The following KRR1 variants were observed in gnomAD, a reference collection of about 807,000 sequenced individuals.
KRR1 encodes KRR1 small subunit processome component homolog.
KRR1 carries 23 observed loss-of-function variants against 50.0 expected under a neutral mutation model. The observed-to-expected ratio is 0.46, with a 90% CI of 0.33 to 0.65. The LOEUF is 0.65. Ranked by LOEUF, KRR1 falls within the 30% of genes least tolerant of loss-of-function variation. The pLI is 0.02. For missense variants in KRR1, 419 were observed against 442.4 expected, an observed-to-expected ratio of 0.95 and a Z score of 0.47; for synonymous variants, 133 against 146.3, an observed-to-expected ratio of 0.91 and a Z score of 0.66.
chr12:75,507,809 G>A (rs532098084), intron 2 of KRR1, among the ~76,000 whole-genome samples: 1 of 152,084 alleles, frequency 6.6e-6, no homozygotes, highest in South Asian at 2.1e-4. Flanking sequence ...TACACTAATG[G>A]GTTTCAATCC....
intron 6 of KRR1, 144 bp downstream of exon 6, chr12:75,505,052 GAA>G: frequency 1.3e-6 from 1 of 757,078 alleles, no homozygotes; most frequent in Non-Finnish European, 2.1e-6. Context: ...TAAGTAGGCT[GAA>G]GTCTACCCCT....
Position 75,499,862 on chromosome 12 carries a change from C to CTTCAGCTG in KRR1, c.1085_1092dup (p.Glu365GlnfsTer27). On this transcript the variant is annotated frameshift_variant, in exon 10 of 10. Coordinates refer to ENST00000229214, the MANE Select transcript of KRR1 (RefSeq NM_007043.7). LOFTEE classifies it high-confidence loss of function. ...TCTGCCTCCATCTTAAGTGCAATTT[C>CTTCAGCTG]TTCAGCTGTAAGAGCTCCCAGTTTC... The CTTCAGCTG allele has an allele frequency of 1.2e-6, 2 of 1,607,608 alleles. No homozygotes were observed. The highest frequency in any genetic ancestry group is 1.7e-6 in the Non-Finnish European group (2 of 1,177,202).
Position 75,506,318 on chromosome 12 carries a change from CT to C in KRR1, c.600del (p.Glu201ArgfsTer5). 6.3e-7 allele frequency: 1 copy of C among 1,596,962 alleles called. No homozygotes were observed. The highest frequency in any genetic ancestry group is 8.6e-7 in the Non-Finnish European group (1 of 1,166,760). On this transcript the variant is annotated frameshift_variant, in exon 5 of 10. Transcript: ENST00000229214. LOFTEE classifies it high-confidence loss of function. Reference sequence around the variant, plus strand: ...CGAAGATAATACATAGTTCTCACCTCTTTTAAGCCACTAAAAGGTCCAATGG... The same window carrying C: ...CGAAGATAATACATAGTTCTCACCTCTTTAAGCCACTAAAAGGTCCAATGG... Reference protein sequence around the residue: ...VSAIGPFSGLKEVRKVVLDTM... With the variant: ...VSAIGPFSGLXEVRKVVLDTM...
intron 6 of KRR1, among the ~76,000 whole-genome samples, chr12:75,504,900 T>C (rs766557122): frequency 3.9e-5 from 6 of 152,050 alleles, no homozygotes; most frequent in Admixed American, 1.3e-4. Context: ...GAAAACTGGA[T>C]TGATATGATC....
In KRR1 at chr12:75,497,020, T is replaced by C. The variant is rs550809777; in HGVS notation, c.*2789A>G. 3.9e-5 allele frequency: 6 copies of C among 152,320 alleles called. No homozygotes were observed. The highest frequency in any genetic ancestry group is 5.9e-5 in the Non-Finnish European group (4 of 68,024). The allele number at this position is 152,320 out of a possible 1,614,324, so 9.4% of individuals were successfully genotyped here. On this transcript the variant is annotated 3_prime_UTR_variant, in exon 10 of 10. Coordinates refer to ENST00000229214, the MANE Select transcript of KRR1 (RefSeq NM_007043.7). ...GTATTCACTGAATTCTTCCTTTCACTCACTCTTCACTTCAGAACGTATATA... is the reference window on the plus strand; with the variant it reads ...GTATTCACTGAATTCTTCCTTTCACCCACTCTTCACTTCAGAACGTATATA...
chr12:75,501,547 G>T (rs184675894), intron 9 of KRR1, 176 bp downstream of exon 9: 2 of 574,002 alleles, frequency 3.5e-6, no homozygotes, highest in Non-Finnish European at 6.1e-6. Flanking sequence ...ATAGGCATTA[G>T]CTGCCTCTAA....
chr12:75,503,953 G>GT lies in KRR1; in HGVS notation c.781dup (p.Thr261AsnfsTer3), dbSNP rs758604785. On this transcript the variant is annotated frameshift_variant, in exon 7 of 10. Coordinates refer to ENST00000229214, the MANE Select transcript of KRR1 (RefSeq NM_007043.7). LOFTEE classifies it high-confidence loss of function. The stretch of plus-strand genomic sequence containing the variant: ...GAATGGCGTATATTCTTTCTTAACA[G>GT]TTTTTTTCTTTGGTTCCTTGCGTTT... 2.5e-6 allele frequency: 4 copies of GT among 1,611,402 alleles called. No individual in the cohort carries two copies. Among genetic ancestry groups the GT allele is most frequent in the Non-Finnish European group, 3.4e-6 (4 of 1,178,318 alleles).
chr12:75,503,980 T>C lies in KRR1; in HGVS notation c.755A>G (p.Asn252Ser). Residue 252 changes from asparagine (N) to serine (S), a missense_variant, in exon 7 of 10, where the codon AAT becomes AGT. Asn to Ser is a conservative substitution (Grantham distance 46). Transcript: ENST00000229214. ...TTTTTTCTTTGGTTCCTTGCGTTTA[T>C]TCACATTTTTGTGTTTGAACTGTGG... ...FLPQFKHKNV[N>S]KRKEPKKKTV... is the part of the protein sequence containing the mutation. The C allele has an allele frequency of 6.2e-7, 1 of 1,612,600 alleles. No homozygotes were observed. The highest frequency in any genetic ancestry group is 8.5e-7 in the Non-Finnish European group (1 of 1,178,954).
chr12:75,498,608 A>AATT lies in KRR1; in HGVS notation c.*1198_*1200dup. The AATT allele has an allele frequency of 9.2e-7, 1 of 1,086,314 alleles. No individual in the cohort carries two copies. Among genetic ancestry groups the AATT allele is most frequent in the South Asian group, 1.3e-5 (1 of 75,516 alleles). 67.3% of individuals were successfully genotyped at this position (1,086,314 alleles called of 1,614,324 possible). On this transcript the variant is annotated 3_prime_UTR_variant, in exon 10 of 10. Transcript: ENST00000229214. ...AAAGCCAAAGCAAGTTAATGGTCAT[A>AATT]ATTATAAGACTTAGCTTTTTAAAAT...
chr12:75,496,231 C>G lies in KRR1; in HGVS notation c.*3578G>C, dbSNP rs372053748. The stretch of plus-strand genomic sequence containing the variant: ...CTAGCTGGGTGTGGTGGTGGACGCC[C>G]GTAACCCCAGCTACTCAGGAGGCTG... On this transcript the variant is annotated 3_prime_UTR_variant, in exon 10 of 10. Transcript: ENST00000229214. 6 of 151,882 alleles carry G rather than the reference C, an allele frequency of 4.0e-5. No individual in the cohort carries two copies. Among genetic ancestry groups the G allele is most frequent in the Non-Finnish European group, 5.9e-5 (4 of 68,180 alleles). The allele number at this position is 151,882 out of a possible 1,614,324, so 9.4% of individuals were successfully genotyped here.
At chr12:75,508,822 A>G (rs1278295107) in intron 1 of KRR1, among the ~76,000 whole-genome samples, 1 of 152,200 alleles carries the variant, frequency 6.6e-6, no homozygotes, top group Non-Finnish European at 1.5e-5. Flanking sequence ...TTTGGTTAGT[A>G]TTTTAAATAC....
Position 75,498,981 on chromosome 12 carries a change from C to CAA in KRR1, c.*826_*827dup, listed in dbSNP as rs2046370927. 1.7e-5 allele frequency: 27 copies of CAA among 1,555,336 alleles called. No homozygotes were observed. The highest frequency in any genetic ancestry group is 2.3e-5 in the Non-Finnish European group (27 of 1,155,942). On this transcript the variant is annotated 3_prime_UTR_variant, in exon 10 of 10. Transcript: ENST00000229214. ...CTAATTTAGTTCTTTTGGACTAATA[C>CAA]AATTCAGGAAAGAAAAAACCCAAAA...
chr12:75,505,280 T>A, intron 5 of KRR1, 26 bp from the exon 6 acceptor site: 1 of 1,561,526 alleles, frequency 6.4e-7, no homozygotes, highest in Non-Finnish European at 8.7e-7. Context: ...AAAAATGAAT[T>A]AGTCACAAGG....
At position 75,491,934 on chromosome 12, in the gene KRR1, G is replaced by A. The variant is rs1440029218; in HGVS notation, c.*7875C>T. The A allele has an allele frequency of 2.0e-5, 3 of 152,104 alleles. No homozygotes were observed. The highest frequency in any genetic ancestry group is 6.5e-5 in the Admixed American group (1 of 15,270). 9.4% of individuals were successfully genotyped at this position (152,104 alleles called of 1,614,324 possible). On this transcript the variant is annotated 3_prime_UTR_variant, in exon 10 of 10. Coordinates refer to ENST00000229214, the MANE Select transcript of KRR1 (RefSeq NM_007043.7). ...GGTGTAATGTGCAGAAGACATGCTC[G>A]ATACTCTGACTGAGTGCTGTAGGTG...
rs2046365810 is a variant in KRR1, at chr12:75,498,493, A to C, written c.*1316T>G. 1.9e-6 allele frequency: 1 copy of C among 516,354 alleles called. No individual in the cohort carries two copies. The highest frequency in any genetic ancestry group is 3.0e-5 in the East Asian group (1 of 33,254). The allele number at this position is 516,354 out of a possible 1,614,324, so 32.0% of individuals were successfully genotyped here. On this transcript the variant is annotated 3_prime_UTR_variant, in exon 10 of 10. Transcript: ENST00000229214. ...TTTCCTTTTTATAAAAGGTTTATAA[A>C]GTTTATGTAAAAAGTCAACTTAAAA...
At chr12:75,502,884 C>T (rs2279244) in intron 7 of KRR1, 35,712 of 151,922 alleles carry the variant, frequency 0.24, 4,448 homozygotes, top group Middle Eastern at 0.32. Flanking sequence ...CCCCTAACTA[C>T]TATCAATTTC....
In KRR1 at chr12:75,495,185, A is replaced by T. The variant is rs1594061229; in HGVS notation, c.*4624T>A. The T allele has an allele frequency of 1.3e-5, 2 of 153,628 alleles. No individual in the cohort carries two copies. The highest frequency in any genetic ancestry group is 3.8e-4 in the East Asian group (2 of 5,264). The allele number at this position is 153,628 out of a possible 1,614,324, so 9.5% of individuals were successfully genotyped here. ...GATGGACAGTTTTTTAAATGGCAGT[A>T]ATCATATAGGCCAGAGGGTAGGTAA... On this transcript the variant is annotated 3_prime_UTR_variant, in exon 10 of 10. Coordinates refer to ENST00000229214, the MANE Select transcript of KRR1 (RefSeq NM_007043.7).
At chr12:75,501,124 GA>G (rs1214300507) in intron 9 of KRR1, 2 of 152,140 alleles carry the variant, frequency 1.3e-5, no homozygotes, top group African/African-American at 2.4e-5. Flanking sequence ...TACCACAGGG[GA>G]AAAAAATGCA....
Position 75,508,278 on chromosome 12 carries a change from T to C in KRR1, c.254A>G (p.Glu85Gly), listed in dbSNP as rs760053121. The C allele has an allele frequency of 1.2e-6, 2 of 1,605,452 alleles. No individual in the cohort carries two copies. The highest frequency in any genetic ancestry group is 3.4e-5 in the Admixed American group (2 of 58,400). ...CWPLVQKALN[E>G]HHVNATLDLI... ...ATTGATATAAGATACACATACATGTTCATTTAAGGCTTTCTGCACCAATGG... is the reference window on the plus strand; with the variant it reads ...ATTGATATAAGATACACATACATGTCCATTTAAGGCTTTCTGCACCAATGG... The change falls in exon 2 of 10, where the codon GAA becomes GGA. Residue 85 changes from glutamate to glycine, a missense_variant. By Grantham distance (98) the Glu-to-Gly change is moderately conservative. Transcript: ENST00000229214.
Sources: allele counts gnomAD v4.1 joint callset (sites outside exome capture counted in the v4.1 genomes callset), GRCh38; gene constraint gnomAD v4.1.1; transcripts MANE v1.5; gene names NCBI Gene and HGNC (gene_info 2026-07-23, HGNC 2026-07-21).